Variants in ADK observed in about 807,000 individuals in gnomAD.
The protein encoded by ADK is N6,N6-dimethyladenosine kinase.
ADK carries 24 observed loss-of-function variants against 44.7 expected under a neutral mutation model. The ratio of observed to expected loss-of-function variants is 0.54; its 90% CI spans 0.39 to 0.76. The LOEUF is 0.76. Ranked by LOEUF, ADK falls within the 30% of genes least tolerant of loss-of-function variation. ADK has a pLI of 0.00. For synonymous variants in ADK, 128 were observed against 142.6 expected, an observed-to-expected ratio of 0.90 and a Z score of 0.73; for missense variants, 321 against 425.1, an observed-to-expected ratio of 0.76 and a Z score of 2.15.
chr10:74,384,837 G>A (rs1360645482), intron 4 of ADK, among the ~76,000 whole-genome samples: 2 of 152,126 alleles, frequency 1.3e-5, no homozygotes, highest in African/African-American at 2.4e-5. Context: ...TTAATGCTTA[G>A]GATTAACTTG....
intron 9 of ADK, among the ~76,000 whole-genome samples, chr10:74,668,114 T>A (rs995718765): frequency 3.9e-5 from 6 of 152,236 alleles, no homozygotes; most frequent in African/African-American, 1.4e-4. Flanking sequence ...TTCATTAACT[T>A]GAGCTCATTT....
intron 10 of ADK, among the ~76,000 whole-genome samples, chr10:74,705,638 C>T (rs1489997949): frequency 1.3e-5 from 2 of 152,194 alleles, no homozygotes; most frequent in Non-Finnish European, 2.9e-5. Flanking sequence ...TGTGCTTTCA[C>T]CTACCTTGGG....
At chr10:74,193,710 A>T (rs1374628415) in intron 1 of ADK, among the ~76,000 whole-genome samples, 2 of 152,040 alleles carry the variant, frequency 1.3e-5, no homozygotes, top group East Asian at 1.9e-4. Context: ...TTGAGCCTGC[A>T]GTGAGCTGTG....
At chr10:74,480,960 C>G (rs555095542) in intron 6 of ADK, among the ~76,000 whole-genome samples, 1 of 152,170 alleles carries the variant, frequency 6.6e-6, no homozygotes, top group South Asian at 2.1e-4. Flanking sequence ...TCCTGTCTTC[C>G]ATTTCATCTA....
intron 3 of ADK, among the ~76,000 whole-genome samples, chr10:74,254,009 C>T (rs1433047313): frequency 7.2e-5 from 11 of 151,994 alleles, no homozygotes; most frequent in Non-Finnish European, 1.5e-4. Flanking sequence ...TCAAGTGATC[C>T]GCCCGCCTCA....
chr10:74,331,435 A>G (rs1454710711), intron 4 of ADK, among the ~76,000 whole-genome samples: 10 of 152,228 alleles, frequency 6.6e-5, no homozygotes, highest in Non-Finnish European at 1.3e-4. Context: ...CAGAAGAATA[A>G]TAAAATAGAA....
At chr10:74,186,875 G>T (rs1439671773) in intron 1 of ADK, among the ~76,000 whole-genome samples, 1 of 152,092 alleles carries the variant, frequency 6.6e-6, no homozygotes, top group Admixed American at 6.5e-5. Context: ...TGGGCTTTGG[G>T]TTATTTCCAG....
chr10:74,559,539 A>G (rs1316916212), intron 7 of ADK, among the ~76,000 whole-genome samples: 1 of 152,194 alleles, frequency 6.6e-6, no homozygotes, highest in Non-Finnish European at 1.5e-5. Context: ...AAATAGTTCT[A>G]TAGGCTCAAT....
chr10:74,277,610 C>T (rs911592600), intron 3 of ADK, among the ~76,000 whole-genome samples: 2 of 151,714 alleles, frequency 1.3e-5, no homozygotes, highest in Non-Finnish European at 2.9e-5. Context: ...CATGTTAGCC[C>T]GGATGGTCTC....
intron 3 of ADK, among the ~76,000 whole-genome samples, chr10:74,240,206 G>A (rs375465958): frequency 4.2e-5 from 6 of 142,882 alleles, no homozygotes; most frequent in Non-Finnish European, 8.8e-5. Context: ...GCAGAGACAG[G>A]GTTTCGCCAT....
chr10:74,177,658 A>G (rs1404964090), intron 1 of ADK, among the ~76,000 whole-genome samples: 1 of 152,094 alleles, frequency 6.6e-6, no homozygotes, highest in African/African-American at 2.4e-5. Context: ...TTATATACCC[A>G]GTGTTCTGAC....
chr10:74,656,875 T>C (rs1296047035), intron 9 of ADK, among the ~76,000 whole-genome samples: 1 of 152,204 alleles, frequency 6.6e-6, no homozygotes, highest in African/African-American at 2.4e-5. Context: ...TTGTTTTGTT[T>C]TAGAGACAGG....
intron 6 of ADK, among the ~76,000 whole-genome samples, chr10:74,472,735 G>A (rs1846645707): frequency 6.6e-6 from 1 of 152,180 alleles, no homozygotes; most frequent in Non-Finnish European, 1.5e-5. Flanking sequence ...AATAGGGGTA[G>A]TGGCTACCAT....
intron 3 of ADK, among the ~76,000 whole-genome samples, chr10:74,303,588 G>GTTTTTTTTTTTTGTTTTTT (rs1840141891): frequency 1.5e-5 from 1 of 68,574 alleles, no homozygotes; most frequent in African/African-American, 7.9e-5. Flanking sequence ...TTTTAATGTT[G>GTTTTTTTTTTTTGTTTTTT]TTTTTTTTTT....
In ADK at chr10:74,708,608, T is replaced by A; in HGVS notation, c.*163T>A. 1 of 709,722 alleles carries A rather than the reference T, an allele frequency of 1.4e-6. No homozygotes were observed. The highest frequency in any genetic ancestry group is 2.2e-6 in the Non-Finnish European group (1 of 450,156). The allele number at this position is 709,722 out of a possible 1,614,324, so 44.0% of individuals were successfully genotyped here. ...CAAGGGTATGGTAATGCTTGTAGAA[T>A]CTTTATTATCTCAACAATCTAAAAA... On this transcript the variant is annotated 3_prime_UTR_variant, in exon 11 of 11. Transcript: ENST00000539909.
intron 4 of ADK, among the ~76,000 whole-genome samples, chr10:74,316,205 A>C (rs1293125826): frequency 1.3e-5 from 2 of 151,460 alleles, no homozygotes; most frequent in Admixed American, 6.6e-5. Context: ...ATGCCACTGC[A>C]CTCCAGCCTG....
In ADK at chr10:74,561,537, T is replaced by A. The variant is rs552382677; in HGVS notation, c.727-27745T>A. Among the ~76,000 whole-genome samples, 23 of 152,354 alleles carry A rather than the reference T, an allele frequency of 1.5e-4. No homozygotes were observed. In the South Asian group the frequency reaches 4.3e-3, roughly 29 times the overall value. On this transcript the variant is annotated intron_variant, in intron 7 of 10. Transcript: ENST00000539909. Reference sequence around the variant, plus strand: ...GGCATCAATATAACCTACATTTATTTAAAAGTAAACTTTATTTGTCTAATG... The same window carrying A: ...GGCATCAATATAACCTACATTTATTAAAAAGTAAACTTTATTTGTCTAATG...
intron 7 of ADK, among the ~76,000 whole-genome samples, chr10:74,585,817 G>T (rs568010866): frequency 6.6e-6 from 1 of 152,164 alleles, no homozygotes; most frequent in Non-Finnish European, 1.5e-5. Context: ...AACTCAGTAC[G>T]AGGCGCCCTG....
In ADK at chr10:74,394,276, A is replaced by G. The variant is rs752472596; in HGVS notation, c.409A>G (p.Thr137Ala). The G allele has an allele frequency of 6.2e-7, 1 of 1,614,116 alleles. No homozygotes were observed. ...AHYYEQNEQP[T>A]GTCAACITGD... is the part of the protein sequence containing the mutation. ...TTACTACGAGCAGAATGAGCAGCCAACAGGAACTTGTGCTGCATGCATCAC... is the reference window on the plus strand; with the variant it reads ...TTACTACGAGCAGAATGAGCAGCCAGCAGGAACTTGTGCTGCATGCATCAC... Residue 137 changes from threonine to alanine, a missense_variant, in exon 5 of 11, where the codon ACA becomes GCA. Thr to Ala is a moderately conservative substitution (Grantham distance 58, BLOSUM62 0). Coordinates refer to ENST00000539909, the MANE Select transcript of ADK (RefSeq NM_006721.4).
Sources: allele counts gnomAD v4.1 joint callset (sites outside exome capture counted in the v4.1 genomes callset), GRCh38; gene constraint gnomAD v4.1.1; transcripts MANE v1.5; gene names NCBI Gene and HGNC (gene_info 2026-07-23, HGNC 2026-07-21).